The following NEK3 variants were observed in gnomAD, a reference collection of about 807,000 sequenced individuals.
The protein encoded by NEK3 is serine/threonine-protein kinase Nek3.
A neutral mutation model predicts 66.0 loss-of-function variants in NEK3; 54 were observed. The ratio of observed to expected loss-of-function variants is 0.82; its 90% CI spans 0.66 to 1.03. The LOEUF (loss-of-function observed/expected upper bound fraction) is 1.03, where lower values mean the gene tolerates loss of function less well. Among genes scored for constraint, NEK3 ranks in the 50% least tolerant of loss-of-function variants. The pLI is 0.00. For missense variants in NEK3, 593 were observed against 603.0 expected (o/e 0.98, Z 0.17); for synonymous variants, 200 against 206.2 (o/e 0.97, Z 0.26).
chr13:52,146,939 C>G (rs947817915), intron 8 of NEK3, among the ~76,000 whole-genome samples: 1 of 152,158 alleles, frequency 6.6e-6, no homozygotes, highest in African/African-American at 2.4e-5. Flanking sequence ...AACCTTCAGC[C>G]TGTGCCCAAA....
intron 8 of NEK3, 32 bp downstream of exon 8, chr13:52,148,383 G>A (rs1956311596): frequency 8.7e-6 from 14 of 1,604,822 alleles, no homozygotes; most frequent in Non-Finnish European, 1.1e-5. Context: ...GATATGACAA[G>A]CTGCCTTTTC....
chr13:52,144,402 C>A (rs772124021), intron 9 of NEK3, among the ~76,000 whole-genome samples: 1 of 151,764 alleles, frequency 6.6e-6, no homozygotes. Flanking sequence ...GGCGACAGAG[C>A]GAGACTCCAT....
At chr13:52,139,793 G>A (rs1471668502) in intron 11 of NEK3, among the ~76,000 whole-genome samples, 1 of 152,008 alleles carries the variant, frequency 6.6e-6, no homozygotes, top group Non-Finnish European at 1.5e-5. Flanking sequence ...CAGCTAACCA[G>A]GAGGCTGAGG....
chr13:52,133,092 T>C lies in NEK3; in HGVS notation c.*50A>G. 1 of 1,422,400 alleles carries C rather than the reference T, an allele frequency of 7.0e-7. No individual in the cohort carries two copies. The highest frequency in any genetic ancestry group is 9.8e-7 in the Non-Finnish European group (1 of 1,019,810). 88.1% of individuals were successfully genotyped at this position (1,422,400 alleles called of 1,614,324 possible). ...AACTCATGATCATCTCAGCATGAAC[T>C]CCTGAGTGAAGCCTCTCCTCAGCGT... On this transcript the variant is annotated 3_prime_UTR_variant, in exon 16 of 16. Coordinates refer to ENST00000610828, the MANE Select transcript of NEK3 (RefSeq NM_002498.3).
chr13:52,141,735 GTC>G (rs1956251598), intron 10 of NEK3, among the ~76,000 whole-genome samples: 11 of 147,256 alleles, frequency 7.5e-5, no homozygotes. Context: ...TATGGTCCCA[GTC>G]TGGTGGCATT....
chr13:52,158,213 T>A (rs1412597998), intron 1 of NEK3, among the ~76,000 whole-genome samples: 1 of 152,168 alleles, frequency 6.6e-6, no homozygotes, highest in Non-Finnish European at 1.5e-5. Context: ...CAAAGAATTA[T>A]AAGGCAGAGA....
At chr13:52,148,152 GA>G in intron 8 of NEK3, 1 of 334,280 alleles carries the variant, frequency 3.0e-6, no homozygotes, top group Non-Finnish European at 5.4e-6. Flanking sequence ...AAAAAATTAA[GA>G]ATAGCAAAAA....
intron 15 of NEK3, 36 bp downstream of exon 15, chr13:52,133,653 C>A (rs779597809): frequency 4.0e-6 from 6 of 1,514,002 alleles, no homozygotes; most frequent in South Asian, 1.2e-5. Flanking sequence ...ACACCCCCAA[C>A]CCCAGCTACA....
intron 7 of NEK3, among the ~76,000 whole-genome samples, chr13:52,149,324 C>A (rs1956319853): frequency 1.3e-5 from 2 of 152,142 alleles, no homozygotes; most frequent in Admixed American, 6.5e-5. Context: ...AATCCTCCTG[C>A]CTCAGCCTCC....
rs752476520 is a variant in NEK3, at chr13:52,144,697, G to A, written c.798C>T (p.Pro266=). The change falls in exon 9 of 16, where the codon CCC becomes CCT. Residue 266 remains proline, a synonymous_variant. Coordinates refer to ENST00000610828, the MANE Select transcript of NEK3 (RefSeq NM_002498.3). ...IVARLVQKCL[P]PEIIMEYGEE... The stretch of plus-strand genomic sequence containing the variant: ...AATCCAACACAGATCATACCTCGGG[G>A]GGTAAGCACTTCTGGACAAGCCGAG... The A allele has an allele frequency of 1.9e-6, 3 of 1,613,598 alleles. No individual in the cohort carries two copies. Among genetic ancestry groups the A allele is most frequent in the East Asian group, 2.2e-5 (1 of 44,862 alleles).
intron 7 of NEK3, among the ~76,000 whole-genome samples, chr13:52,149,842 C>A (rs929495631): frequency 1.3e-5 from 2 of 150,444 alleles, no homozygotes. Context: ...GCACTCAAGC[C>A]TGAGCAACAG....
intron 7 of NEK3, 97 bp downstream of exon 7, chr13:52,151,049 G>A: frequency 1.2e-6 from 1 of 852,494 alleles, no homozygotes; most frequent in South Asian, 1.6e-5. Flanking sequence ...TATGATCCAT[G>A]CATCTGTTTT....
At chr13:52,134,637 C>A (rs7324458) in intron 14 of NEK3, among the ~76,000 whole-genome samples, 86,968 of 152,078 alleles carry the variant, frequency 0.57, 26,752 homozygotes, top group Middle Eastern at 0.7. Flanking sequence ...TTCAAAATAG[C>A]ACTATGACAT....
chr13:52,151,506 T>C, intron 5 of NEK3, 114 bp from the exon 6 acceptor site: 1 of 913,442 alleles, frequency 1.1e-6, no homozygotes, highest in African/African-American at 1.6e-5. Flanking sequence ...TGCTGACAGC[T>C]GAGTCCCAGA....
In NEK3 at chr13:52,143,897, C is replaced by A; in HGVS notation, c.877+18G>T. The A allele has an allele frequency of 1.6e-6, 2 of 1,284,862 alleles. No individual in the cohort carries two copies. The highest frequency in any genetic ancestry group is 2.6e-5 in the East Asian group (1 of 38,964). 79.6% of individuals were successfully genotyped at this position (1,284,862 alleles called of 1,614,324 possible). A position where few individuals can be genotyped will look rare whatever the true frequency, so the allele number is the denominator to read the frequency against. On this transcript the variant is annotated intron_variant, in intron 10 of 15. Transcript: ENST00000610828. ...TTAAAAGAGCACTTAACAAAAAATA[C>A]TCTGTCAAAATTCTTACTTTTTTTT...
intron 2 of NEK3, among the ~76,000 whole-genome samples, chr13:52,154,612 C>T (rs918239437): frequency 2.0e-5 from 3 of 151,490 alleles, no homozygotes; most frequent in Non-Finnish European, 2.9e-5. Flanking sequence ...TAGAGGAGTC[C>T]ACTGGTCCAG....
At chr13:52,154,492 A>C (rs1414764111) in intron 2 of NEK3, among the ~76,000 whole-genome samples, 1 of 151,934 alleles carries the variant, frequency 6.6e-6, no homozygotes, top group Non-Finnish European at 1.5e-5. Flanking sequence ...AAAATAATGT[A>C]TCTTTTGCTT....
intron 14 of NEK3, 61 bp downstream of exon 14, chr13:52,135,668 T>C: frequency 6.9e-7 from 1 of 1,449,594 alleles, no homozygotes; most frequent in East Asian, 2.4e-5. Flanking sequence ...ATGTTATATA[T>C]ATTTGCCACA....
intron 7 of NEK3, 43 bp from the exon 8 acceptor site, chr13:52,148,512 A>G (rs1445265324): frequency 1.9e-6 from 3 of 1,539,148 alleles, no homozygotes; most frequent in African/African-American, 2.7e-5. Context: ...CAGGTTACGT[A>G]TTTTCTAGTA....
Sources: allele counts gnomAD v4.1 joint callset (sites outside exome capture counted in the v4.1 genomes callset), GRCh38; gene constraint gnomAD v4.1.1; transcripts MANE v1.5; gene names NCBI Gene and HGNC (gene_info 2026-07-23, HGNC 2026-07-21).